Variants in GIT2 observed in about 807,000 individuals in gnomAD.
GIT2 encodes ARF GTPase-activating protein GIT2.
In GIT2, 32 loss-of-function variants were observed where a neutral mutation model predicts 100.3. The observed-to-expected ratio is 0.32, with a 90% CI of 0.24 to 0.43. The LOEUF is 0.43. Ranked by LOEUF, GIT2 falls within the 20% of genes least tolerant of loss-of-function variation. The pLI is 1.00. For synonymous variants in GIT2, 353 were observed against 364.1 expected (o/e 0.97, Z 0.35); for missense variants, 737 against 975.1 (o/e 0.76, Z 3.25).
chr12:109,938,283 G>T, intron 18 of GIT2, 97 bp downstream of exon 18: 1 of 813,678 alleles, frequency 1.2e-6, no homozygotes, highest in Non-Finnish European at 2.0e-6. Context: ...CTTGAAGTCA[G>T]CATGCTGGGA....
intron 2 of GIT2, 68 bp downstream of exon 2, chr12:109,991,559 T>G (rs564159524): frequency 7.8e-7 from 1 of 1,277,188 alleles, no homozygotes; most frequent in Non-Finnish European, 1.1e-6. Flanking sequence ...CAGGAGAAAT[T>G]TAAGTTATTA....
At chr12:109,988,740 C>T (rs1186115200) in intron 4 of GIT2, among the ~76,000 whole-genome samples, 1 of 151,292 alleles carries the variant, frequency 6.6e-6, no homozygotes. Flanking sequence ...GTAATCCCAG[C>T]TACCTAGGAG....
chr12:109,933,268 G>T lies in GIT2; in HGVS notation c.2068-78C>A. On this transcript the variant is annotated intron_variant, in intron 19 of 19. Transcript: ENST00000355312. The surrounding 1 kb of genome is among the most constrained non-coding windows in gnomAD (Gnocchi z 4.5). ...AGCAGGGGACAAACATTCTTCTAAA[G>T]CAAACCAAGCTGCTCCCCAGAGTGA... 1.2e-6 allele frequency: 1 copy of T among 842,696 alleles called. No homozygotes were observed. The highest frequency in any genetic ancestry group is 1.9e-6 in the Non-Finnish European group (1 of 516,708). 52.2% of individuals were successfully genotyped at this position (842,696 alleles called of 1,614,324 possible). A position where few individuals can be genotyped will look rare whatever the true frequency, so the allele number is the denominator to read the frequency against.
chr12:109,979,895 C>T (rs1885964968), intron 7 of GIT2, among the ~76,000 whole-genome samples: 1 of 152,122 alleles, frequency 6.6e-6, no homozygotes, highest in African/African-American at 2.4e-5. Context: ...GAATGTTGTA[C>T]ATCAGGGGTT....
chr12:109,973,592 GCTA>G (rs1565992122), intron 7 of GIT2, among the ~76,000 whole-genome samples: 1 of 151,804 alleles, frequency 6.6e-6, no homozygotes, highest in South Asian at 2.1e-4. Flanking sequence ...TTGATTTTTC[GCTA>G]CTGTTTCCTT....
Position 109,948,844 on chromosome 12 carries a change from C to T in GIT2, c.1393-1340G>A, listed in dbSNP as rs772137440. 2 of 1,595,508 alleles carry T rather than the reference C, an allele frequency of 1.3e-6. No homozygotes were observed. Among genetic ancestry groups the T allele is most frequent in the Non-Finnish European group, 1.7e-6 (2 of 1,165,926 alleles). On this transcript the variant is annotated intron_variant, in intron 14 of 19. Coordinates refer to ENST00000355312, the MANE Select transcript of GIT2 (RefSeq NM_057169.5). The surrounding 1 kb of genome is among the most constrained non-coding windows in gnomAD (Gnocchi z 4.3). ...TTCATTAATTAGCATCTTTTCCAAG[C>T]AACTGTTAAATGTGAAAGATCAGAT...
At chr12:109,976,208 T>G (rs780230345) in intron 7 of GIT2, among the ~76,000 whole-genome samples, 4 of 152,104 alleles carry the variant, frequency 2.6e-5, no homozygotes, top group Non-Finnish European at 5.9e-5. Context: ...ACCATTATAT[T>G]TTTTACCCTA....
At position 109,948,740 on chromosome 12, in the gene GIT2, T is replaced by G. The variant is rs749572925; in HGVS notation, c.1393-1236A>C. On this transcript the variant is annotated intron_variant, in intron 14 of 19. Transcript: ENST00000355312. This position sits in a 1 kb window ranked among gnomAD's most constrained non-coding sequence, Gnocchi z 4.3. ...CATTACTTTTTCAGTAGCAAACCCA[T>G]TCAATGTTAGGAGTTACTTTCAATT... The G allele has an allele frequency of 6.5e-7, 1 of 1,549,520 alleles. No homozygotes were observed. Among genetic ancestry groups the G allele is most frequent in the African/African-American group, 1.4e-5 (1 of 72,302 alleles).
At chr12:109,997,400 C>T (rs1227822612), upstream of GIT2, 4 of 151,894 alleles carry the variant, frequency 2.6e-5, no homozygotes, top group Non-Finnish European at 5.9e-5. Context: ...ACAACAACAA[C>T]AAAAATAACA....
At chr12:109,974,634 A>G (rs1396232378) in intron 7 of GIT2, among the ~76,000 whole-genome samples, 2 of 152,212 alleles carry the variant, frequency 1.3e-5, no homozygotes, top group Non-Finnish European at 1.5e-5. Flanking sequence ...AATATACTTT[A>G]TAGAATTTTA....
Position 109,948,834 on chromosome 12 carries a change from CT to C in GIT2, c.1393-1331del. On this transcript the variant is annotated intron_variant, in intron 14 of 19. Coordinates refer to ENST00000355312, the MANE Select transcript of GIT2 (RefSeq NM_057169.5). This position sits in a 1 kb window ranked among gnomAD's most constrained non-coding sequence, Gnocchi z 4.3. ...GTTGCTCCTCTTCATTAATTAGCAT[CT>C]TTTCCAAGCAACTGTTAAATGTGAA... 1 of 1,600,124 alleles carries C rather than the reference CT, an allele frequency of 6.2e-7. No individual in the cohort carries two copies. Among genetic ancestry groups the C allele is most frequent in the Admixed American group, 1.7e-5 (1 of 59,002 alleles).
At chr12:109,937,158 A>G (rs1205173220) in intron 18 of GIT2, among the ~76,000 whole-genome samples, 1 of 152,210 alleles carries the variant, frequency 6.6e-6, no homozygotes, top group Non-Finnish European at 1.5e-5. Context: ...CTTATCTTTC[A>G]ATAAACATGG....
chr12:109,992,317 T>A (rs1429995948), intron 1 of GIT2, among the ~76,000 whole-genome samples: 1 of 151,656 alleles, frequency 6.6e-6, no homozygotes, highest in African/African-American at 2.4e-5. Context: ...CGGCTAATTT[T>A]TGTATTTTTA....
At chr12:109,943,256 T>G (rs1409718971) in intron 16 of GIT2, among the ~76,000 whole-genome samples, 1 of 152,246 alleles carries the variant, frequency 6.6e-6, no homozygotes, top group African/African-American at 2.4e-5. Flanking sequence ...AGATATTTAA[T>G]CACTGTCTAA....
At chr12:109,981,104 G>C in intron 6 of GIT2, 58 bp from the exon 7 acceptor site, 1 of 1,128,998 alleles carries the variant, frequency 8.9e-7, no homozygotes, top group Non-Finnish European at 1.4e-6. Flanking sequence ...ACTTTAAAAT[G>C]GAGTACAAAG....
chr12:109,989,930 A>C, intron 2 of GIT2, 128 bp from the exon 3 acceptor site: 1 of 658,210 alleles, frequency 1.5e-6, no homozygotes, highest in South Asian at 1.7e-5. Flanking sequence ...CATTCATATC[A>C]TTGTTTTCTG....
rs950009801 is a variant in GIT2, at chr12:109,980,958, T to G, written c.712A>C (p.Lys238Gln). Residue 238 changes from lysine to glutamine, a missense_variant, in exon 7 of 20, where the codon AAA becomes CAA. By Grantham distance (53) the Lys-to-Gln change is moderately conservative. Coordinates refer to ENST00000355312, the MANE Select transcript of GIT2 (RefSeq NM_057169.5). Reference sequence around the variant, plus strand: ...TCATTCTCCATCCACTCACCTGGTTTCCTGCCACAGAGATAGAAGGCTAGT... The same window carrying G: ...TCATTCTCCATCCACTCACCTGGTTGCCTGCCACAGAGATAGAAGGCTAGT... ...DRLAFYLCGR[K>Q]PDHKNGQHFI... 3 of 1,598,108 alleles carry G rather than the reference T, an allele frequency of 1.9e-6. No individual in the cohort carries two copies. In the African/African-American group the frequency reaches 4.0e-5, roughly 21 times the overall value.
chr12:109,985,461 A>T (rs991480031), intron 4 of GIT2, among the ~76,000 whole-genome samples: 2 of 152,238 alleles, frequency 1.3e-5, no homozygotes, highest in Non-Finnish European at 2.9e-5. Context: ...CACGCCTGTA[A>T]TCCCAGCACT....
intron 12 of GIT2, among the ~76,000 whole-genome samples, chr12:109,956,934 C>A (rs952426092): frequency 1.3e-5 from 2 of 151,796 alleles, no homozygotes; most frequent in African/African-American, 4.8e-5. Context: ...ACAAGAATCA[C>A]TTGAGCCTGG....
Sources: allele counts gnomAD v4.1 joint callset (sites outside exome capture counted in the v4.1 genomes callset), GRCh38; gene constraint gnomAD v4.1.1; non-coding constraint Gnocchi (gnomAD v3.1); transcripts MANE v1.5; gene names NCBI Gene and HGNC (gene_info 2026-07-23, HGNC 2026-07-21).